Variants in SGO1 observed in about 807,000 individuals in gnomAD.
The protein encoded by SGO1 is shugoshin 1, also known as serologically defined breast cancer antigen NY-BR-85.
SGO1 carries 39 observed loss-of-function variants against 50.5 expected under a neutral mutation model. The observed-to-expected ratio is 0.77, with a 90% CI of 0.60 to 1.01. The LOEUF (loss-of-function observed/expected upper bound fraction) is 1.01. Ranked by LOEUF, SGO1 falls within the 50% of genes least tolerant of loss-of-function variation. The pLI, the probability that SGO1 is intolerant of heterozygous loss-of-function variation, is 0.00. For missense variants in SGO1, 638 were observed against 606.0 expected, an observed-to-expected ratio of 1.05 and a Z score of -0.55; for synonymous variants, 191 against 205.1, an observed-to-expected ratio of 0.93 and a Z score of 0.59.
intron 4 of SGO1, among the ~76,000 whole-genome samples, chr3:20,177,962 C>G (rs1237989224): frequency 6.6e-6 from 1 of 151,846 alleles, no homozygotes; most frequent in African/African-American, 2.4e-5. Flanking sequence ...GCTAATCCTT[C>G]TTAGAATAAA....
rs1472917008 is a variant in SGO1 at position 20,183,595 on chromosome 3, G to C, written c.339+13C>G. 1 of 1,555,568 alleles carries C rather than the reference G, an allele frequency of 6.4e-7. No homozygotes were observed. The highest frequency in any genetic ancestry group is 8.6e-7 in the Non-Finnish European group (1 of 1,156,704). On this transcript the variant is annotated intron_variant, in intron 3 of 7. Transcript: ENST00000412997. ...AACTAAACTAAGAAATTCGGCCTTA[G>C]TAATGAAAATACCTGAGCAGGTTCT...
downstream of SGO1, among the ~76,000 whole-genome samples, chr3:20,166,842 C>CAAA (rs58288144): frequency 1.8e-3 from 77 of 42,744 alleles, no homozygotes; most frequent in South Asian, 4.7e-3. Context: ...CCATCTCTAC[C>CAAA]AAAAAAAAAA....
chr3:20,163,334 A>G (rs1700134781), intron 8 of SGO1, among the ~76,000 whole-genome samples: 1 of 152,188 alleles, frequency 6.6e-6, no homozygotes, highest in South Asian at 2.1e-4. Flanking sequence ...CTGATTTTCA[A>G]TGTGAAAATA....
rs143768051 is a variant in SGO1 at position 20,183,998 on chromosome 3, G to A, written c.30C>T (p.Ser10=). Residue 10 remains serine, a synonymous_variant, in exon 2 of 8, where the codon TCC becomes TCT. Coordinates refer to ENST00000412997, the MANE Select transcript of SGO1 (RefSeq NM_001199251.3). The part of the protein sequence containing the change: MAKERCLKK[S]FQDSLEDIKK... Reference sequence around the variant, plus strand: ...TTATGTCTTCAAGACTATCTTGAAAGGACTTTTTCAGGCATCTTTCCTTGG... The same window carrying A: ...TTATGTCTTCAAGACTATCTTGAAAAGACTTTTTCAGGCATCTTTCCTTGG... The A allele has an allele frequency of 3.8e-5, 61 of 1,588,808 alleles. No individual in the cohort carries two copies. The highest frequency in any genetic ancestry group is 4.9e-5 in the Non-Finnish European group (58 of 1,172,576).
At chr3:20,169,266 T>C (rs904483975), downstream of SGO1, 69 of 984,882 alleles carry the variant, frequency 7.0e-5, 1 homozygote, top group Admixed American at 2.5e-4. Context: ...CAGAGATAAG[T>C]TGGGAGAGAG....
intron 3 of SGO1, among the ~76,000 whole-genome samples, chr3:20,178,560 A>T (rs1398132836): frequency 6.6e-6 from 1 of 152,218 alleles, no homozygotes; most frequent in Admixed American, 6.5e-5. Context: ...AAGAGAAGAT[A>T]TATGTACAAA....
intron 7 of SGO1, 97 bp downstream of exon 7, chr3:20,170,946 A>G: frequency 1.4e-6 from 2 of 1,463,598 alleles, no homozygotes; most frequent in Middle Eastern, 1.8e-4. Context: ...TCAAATGTTT[A>G]TATTTCAGAA....
At chr3:20,164,545 C>G (rs1442525690), downstream of SGO1, among the ~76,000 whole-genome samples, 1 of 152,138 alleles carries the variant, frequency 6.6e-6, no homozygotes, top group African/African-American at 2.4e-5. Context: ...AACTGCTCTT[C>G]TCACCCCTAT....
At position 20,170,001 on chromosome 3, in the gene SGO1, ATCAT is replaced by A. The variant is rs1445297888; in HGVS notation, c.*699_*702del. 1.0e-6 allele frequency: 1 copy of A among 984,816 alleles called. No individual in the cohort carries two copies. The highest frequency in any genetic ancestry group is 6.1e-5 in the Admixed American group (1 of 16,272). The allele number at this position is 984,816 out of a possible 1,614,324, so 61.0% of individuals were successfully genotyped here. On this transcript the variant is annotated 3_prime_UTR_variant, in exon 8 of 8. Transcript: ENST00000412997. ...GAGTTTCAAAAGATCCTCTTAGAAA[ATCAT>A]TCACTTTAGTATCCCCTACTTAAGG...
chr3:20,175,197 A>C, intron 5 of SGO1, 142 bp from the exon 6 acceptor site: 1 of 873,366 alleles, frequency 1.1e-6, no homozygotes, highest in Non-Finnish European at 1.6e-6. Flanking sequence ...CTGTAAATAA[A>C]AACCTGGGAA....
chr3:20,168,969 A>G (rs1700462204), downstream of SGO1: 1 of 985,088 alleles, frequency 1.0e-6, no homozygotes, highest in Admixed American at 6.2e-5. Flanking sequence ...CTGTAGTCTT[A>G]GTTTAAGATA....
intron 8 of SGO1, among the ~76,000 whole-genome samples, chr3:20,161,683 C>G (rs1409245684): frequency 1.3e-5 from 2 of 151,976 alleles, no homozygotes; most frequent in Non-Finnish European, 2.9e-5. Context: ...TAAATCAAAG[C>G]CCAACAATTA....
intron 3 of SGO1, among the ~76,000 whole-genome samples, chr3:20,183,371 T>TC (rs1702242420): frequency 3.3e-5 from 5 of 152,238 alleles, no homozygotes; most frequent in Non-Finnish European, 7.3e-5. Flanking sequence ...TTCTGGATCC[T>TC]GTTTTGCTAC....
Position 20,174,470 on chromosome 3 carries a change from T to A in SGO1, c.1061A>T (p.Asn354Ile), listed in dbSNP as rs555405052. 7.4e-6 allele frequency: 12 copies of A among 1,614,220 alleles called. No homozygotes were observed. The highest frequency in any genetic ancestry group is 2.2e-5 in the East Asian group (1 of 44,868). The change falls in exon 6 of 8, where the codon AAT becomes ATT. Residue 354 changes from asparagine to isoleucine, a missense_variant. By Grantham distance (149) the Asn-to-Ile change is moderately radical. Transcript: ENST00000412997. Reference protein sequence around the residue: ...HLTPFRQKVSNDSNREENNES... With the variant: ...HLTPFRQKVSIDSNREENNES... The stretch of plus-strand genomic sequence containing the variant: ...GTTGTTTTCTTCTCTATTAGAGTCA[T>A]TGCTCACTTTTTGTCGGAAAGGAGT...
rs112048159 is a variant in SGO1, at chr3:20,169,593, C to A, written c.*1111G>T. 2.9e-3 allele frequency: 2,810 copies of A among 985,132 alleles called. 73 individuals are homozygous for A. In the African/African-American group the frequency reaches 0.045, roughly 16 times the overall value. The allele number at this position is 985,132 out of a possible 1,614,324, so 61.0% of individuals were successfully genotyped here. A position where few individuals can be genotyped will look rare whatever the true frequency, so the allele number is the denominator to read the frequency against. On this transcript the variant is annotated 3_prime_UTR_variant, in exon 8 of 8. Transcript: ENST00000412997. ...TCAAACTTTCTAAACTGAACTAATT[C>A]GCTTTCATTGGTTGGTCAAAAATAT...
chr3:20,182,741 G>A (rs768416651), intron 3 of SGO1, among the ~76,000 whole-genome samples: 2 of 152,066 alleles, frequency 1.3e-5, no homozygotes, highest in Non-Finnish European at 2.9e-5. Flanking sequence ...ATTTGAGGCC[G>A]GGCGCGGTGG....
At chr3:20,181,935 T>C (rs757227981) in intron 3 of SGO1, among the ~76,000 whole-genome samples, 27 of 151,446 alleles carry the variant, frequency 1.8e-4, no homozygotes, top group Non-Finnish European at 2.9e-4. Flanking sequence ...ATATAAAAAT[T>C]AGCCAGGTGT....
At chr3:20,179,698 T>A (rs11717832) in intron 3 of SGO1, among the ~76,000 whole-genome samples, 40,057 of 151,966 alleles carry the variant, frequency 0.26, 5,252 homozygotes, top group African/African-American at 0.27. Flanking sequence ...CAAAGTGCTC[T>A]GATTACAGCC....
intron 3 of SGO1, among the ~76,000 whole-genome samples, chr3:20,181,041 T>C (rs57625405): frequency 0.56 from 84,823 of 151,926 alleles, 24,837 homozygotes; most frequent in East Asian, 0.95. Context: ...ATGGGAAGAT[T>C]GCCTGAGCCT....
Sources: gnomAD v4.1 joint callset for allele counts (sites outside exome capture counted in the v4.1 genomes callset) on GRCh38, gnomAD v4.1.1 for gene constraint, MANE v1.5 for transcripts, NCBI Gene and HGNC (gene_info 2026-07-23, HGNC 2026-07-21) for gene names.